PRKG1: variants seen among roughly 807,000 people sequenced by gnomAD.
PRKG1 encodes the protein protein kinase cGMP-dependent 1, also known as cGMP-dependent protein kinase 1.
A neutral mutation model predicts 88.1 loss-of-function variants in PRKG1; 35 were observed. That is an observed-to-expected ratio of 0.40 (90% CI 0.30 to 0.53). The LOEUF is 0.53. PRKG1 is among the 20% of genes least tolerant of loss of function. The pLI is 0.59. For missense variants in PRKG1, 540 were observed against 839.8 expected, an observed-to-expected ratio of 0.64 and a Z score of 4.41; for synonymous variants, 303 against 292.5, an observed-to-expected ratio of 1.04 and a Z score of -0.37.
intron 1 of PRKG1, among the ~76,000 whole-genome samples, chr10:51,052,454 G>T (rs1843574586): frequency 6.6e-6 from 1 of 151,934 alleles, no homozygotes; most frequent in African/African-American, 2.4e-5. Flanking sequence ...ATTCTTTTTT[G>T]CCATTTTCAT....
intron 3 of PRKG1, among the ~76,000 whole-genome samples, chr10:51,766,299 C>A (rs1838161116): frequency 6.6e-6 from 1 of 152,152 alleles, no homozygotes; most frequent in African/African-American, 2.4e-5. Flanking sequence ...GGTATCTCCA[C>A]CCTGTCCTCC....
chr10:52,185,042 G>A (rs1839154322), intron 9 of PRKG1: 1 of 152,096 alleles, frequency 6.6e-6, no homozygotes, highest in Admixed American at 6.6e-5. Flanking sequence ...TAAATCTTAT[G>A]TCCTCACATT....
chr10:51,408,711 G>A (rs538510086), intron 2 of PRKG1, among the ~76,000 whole-genome samples: 5 of 152,330 alleles, frequency 3.3e-5, no homozygotes, highest in East Asian at 3.9e-4. Context: ...TGATGAATCC[G>A]TGTGTAACCT....
chr10:51,736,900 T>A (rs1837295193), intron 3 of PRKG1, among the ~76,000 whole-genome samples: 2 of 152,002 alleles, frequency 1.3e-5, no homozygotes, highest in South Asian at 4.1e-4. Flanking sequence ...CTTTCCAAAG[T>A]ACTGGGATTA....
At chr10:51,841,857 A>G (rs1392596737) in intron 4 of PRKG1, among the ~76,000 whole-genome samples, 3 of 151,914 alleles carry the variant, frequency 2.0e-5, no homozygotes, top group African/African-American at 7.3e-5. Flanking sequence ...TAATTTTTGT[A>G]TTTTTAGTCA....
intron 2 of PRKG1, among the ~76,000 whole-genome samples, chr10:51,431,356 A>G (rs1047028714): frequency 2.0e-5 from 3 of 152,184 alleles, no homozygotes; most frequent in Non-Finnish European, 2.9e-5. Flanking sequence ...CAAGTAGCCA[A>G]AAAGATCCCA....
At chr10:51,124,934 G>A (rs1845359856) in intron 1 of PRKG1, among the ~76,000 whole-genome samples, 1 of 152,128 alleles carries the variant, frequency 6.6e-6, no homozygotes, top group Admixed American at 6.5e-5. Context: ...CATATGACCT[G>A]CAATGTTCTA....
At chr10:51,356,106 C>T (rs1842360732) in intron 2 of PRKG1, among the ~76,000 whole-genome samples, 1 of 152,006 alleles carries the variant, frequency 6.6e-6, no homozygotes, top group South Asian at 2.1e-4. Flanking sequence ...ATGGTGCACA[C>T]CTCCAGAGTT....
chr10:52,013,734 T>A (rs1266734128), intron 5 of PRKG1, among the ~76,000 whole-genome samples: 1 of 152,202 alleles, frequency 6.6e-6, no homozygotes, highest in Non-Finnish European at 1.5e-5. Context: ...TGGGGACCCC[T>A]TGATGAATTT....
intron 2 of PRKG1, among the ~76,000 whole-genome samples, chr10:51,263,343 TTTTGTTTG>T (rs561656146): frequency 1.3e-5 from 2 of 152,320 alleles, no homozygotes; most frequent in African/African-American, 2.4e-5. Context: ...CCTTTCCAGT[TTTTGTTTG>T]TTTGTTTGTT....
intron 2 of PRKG1, among the ~76,000 whole-genome samples, chr10:51,212,355 T>C (rs1384125081): frequency 2.0e-5 from 3 of 152,160 alleles, no homozygotes; most frequent in Non-Finnish European, 4.4e-5. Context: ...CCTAAAACCA[T>C]AAAAACCCTA....
intron 3 of PRKG1, among the ~76,000 whole-genome samples, chr10:51,475,509 T>C (rs1396790837): frequency 6.6e-6 from 1 of 152,044 alleles, no homozygotes; most frequent in Non-Finnish European, 1.5e-5. Context: ...ATTGTCTATA[T>C]TGAGGAATTT....
chr10:51,618,249 A>G (rs1839114406), intron 3 of PRKG1, among the ~76,000 whole-genome samples: 1 of 152,136 alleles, frequency 6.6e-6, no homozygotes, highest in Non-Finnish European at 1.5e-5. Flanking sequence ...CCCTGGGAAA[A>G]CTGGTCTTTA....
chr10:51,310,468 C>A (rs531010628), intron 2 of PRKG1, among the ~76,000 whole-genome samples: 1 of 152,080 alleles, frequency 6.6e-6, no homozygotes, highest in Non-Finnish European at 1.5e-5. Context: ...CCATAGCAAA[C>A]GCAGAAAGTA....
intron 8 of PRKG1, among the ~76,000 whole-genome samples, chr10:52,135,668 T>C (rs1443907243): frequency 2.6e-5 from 4 of 151,982 alleles, no homozygotes. Context: ...AAAAGGAAAG[T>C]AGAAAAATCA....
chr10:51,181,996 G>T (rs1837360162), intron 2 of PRKG1, among the ~76,000 whole-genome samples: 1 of 152,220 alleles, frequency 6.6e-6, no homozygotes, highest in East Asian at 1.9e-4. Context: ...TTTTTGGGAA[G>T]TGTTTGTAAT....
At chr10:52,182,838 C>A (rs1384321698) in intron 9 of PRKG1, among the ~76,000 whole-genome samples, 2 of 151,546 alleles carry the variant, frequency 1.3e-5, no homozygotes, top group African/African-American at 2.4e-5. Flanking sequence ...GTTACTGTAG[C>A]CTTGTAGTAT....
chr10:51,052,539 A>G (rs545479956), intron 1 of PRKG1, among the ~76,000 whole-genome samples: 2 of 152,216 alleles, frequency 1.3e-5, no homozygotes, highest in Non-Finnish European at 2.9e-5. Flanking sequence ...ATGCAAATAT[A>G]TCTCTTTGTT....
chr10:51,379,949 A>AT (rs779730404), intron 2 of PRKG1, among the ~76,000 whole-genome samples: 3 of 152,226 alleles, frequency 2.0e-5, no homozygotes, highest in Non-Finnish European at 2.9e-5. Context: ...GAGGCATCTT[A>AT]TACACAGACT....
Sources: gnomAD v4.1 joint callset for allele counts (sites outside exome capture counted in the v4.1 genomes callset) on GRCh38, gnomAD v4.1.1 for gene constraint, MANE v1.5 for transcripts, NCBI Gene and HGNC (gene_info 2026-07-23, HGNC 2026-07-21) for gene names.